HSH2D: variants seen among roughly 807,000 people sequenced by gnomAD.
HSH2D encodes hematopoietic SH2 domain containing.
HSH2D carries 16 observed loss-of-function variants against 21.5 expected under a neutral mutation model. The observed-to-expected ratio is 0.74, with a 90% CI of 0.50 to 1.13. HSH2D has a LOEUF of 1.13. Among genes scored for constraint, HSH2D ranks in the 50% most tolerant of loss-of-function variants. The pLI is 0.00. For missense variants in HSH2D, 418 were observed against 441.4 expected, an observed-to-expected ratio of 0.95 and a Z score of 0.47; for synonymous variants, 172 against 184.7, an observed-to-expected ratio of 0.93 and a Z score of 0.56.
intron 1 of HSH2D, among the ~76,000 whole-genome samples, chr19:16,147,057 C>T (rs1307088480): frequency 2.0e-5 from 3 of 152,032 alleles, no homozygotes; most frequent in African/African-American, 7.2e-5. Context: ...AACTCCTGAC[C>T]TCAGGTGATC....
chr19:16,143,474 T>A (rs1442914819), upstream of HSH2D, among the ~76,000 whole-genome samples: 2 of 152,318 alleles, frequency 1.3e-5, no homozygotes, highest in African/African-American at 4.8e-5. Flanking sequence ...CCTGTCTCCG[T>A]GTCACCCCTG....
At chr19:16,149,655 C>T (rs1599419238) in intron 2 of HSH2D, among the ~76,000 whole-genome samples, 1 of 150,158 alleles carries the variant, frequency 6.7e-6, no homozygotes, top group East Asian at 2.0e-4. Context: ...GGCGCGATCT[C>T]GGCTCACTGC....
At chr19:16,149,850 G>A (rs113674649) in intron 2 of HSH2D, among the ~76,000 whole-genome samples, 2,940 of 151,778 alleles carry the variant, frequency 0.019, 94 homozygotes, top group African/African-American at 0.067. Context: ...CAAAGTGCTG[G>A]GATTACAGGC....
intron 2 of HSH2D, among the ~76,000 whole-genome samples, chr19:16,149,451 C>T (rs560090867): frequency 2.6e-5 from 4 of 152,252 alleles, no homozygotes; most frequent in African/African-American, 9.6e-5. Flanking sequence ...GATTCACCCG[C>T]CTCGGCCTCC....
intron 5 of HSH2D, 28 bp downstream of exon 5, chr19:16,154,519 T>A: frequency 6.9e-7 from 1 of 1,456,746 alleles, no homozygotes; most frequent in Non-Finnish European, 9.4e-7. Flanking sequence ...GGCTGGCACC[T>A]CCCACCTGGC....
rs1453170240 is a variant in HSH2D, at chr19:16,153,191, A to T, written c.364A>T (p.Thr122Ser). ...KPIEPRRELLTQPCRQKDPAN... is the reference protein window; with the variant it reads ...KPIEPRRELLSQPCRQKDPAN... ...AATTGAGCCGCGCAGGGAGCTGCTGACACAGCCCTGCAGGCAGGTGAGGGC... is the reference window on the plus strand; with the variant it reads ...AATTGAGCCGCGCAGGGAGCTGCTGTCACAGCCCTGCAGGCAGGTGAGGGC... Residue 122 changes from threonine (T) to serine (S), a missense_variant, in exon 4 of 6, where the codon ACA (threonine) becomes TCA (serine). Physicochemically the swap from Thr to Ser is moderately conservative, Grantham distance 58. Transcript: ENST00000613986. 2.6e-6 allele frequency: 4 copies of T among 1,551,694 alleles called. No individual in the cohort carries two copies. Among genetic ancestry groups the T allele is most frequent in the Non-Finnish European group, 3.5e-6 (4 of 1,149,898 alleles).
chr19:16,157,186 G>A lies in HSH2D; in HGVS notation c.475-24G>A. The A allele has an allele frequency of 2.6e-6, 4 of 1,510,332 alleles. No individual in the cohort carries two copies. The highest frequency in any genetic ancestry group is 3.5e-6 in the Non-Finnish European group (4 of 1,128,150). The allele number at this position is 1,510,332 out of a possible 1,614,324, so 93.6% of individuals were successfully genotyped here. ...GTGCTCTGGTGGGCAAGCTGCCCCA[G>A]GCCTCCCCTACTCTCATTTTCAGGC... is the stretch of plus-strand genomic sequence containing the variant. On this transcript the variant is annotated intron_variant, in intron 5 of 5. Transcript: ENST00000613986. The surrounding 1 kb of genome is among the most constrained non-coding windows in gnomAD (Gnocchi z 4.4).
At position 16,137,355 on chromosome 19, in the gene HSH2D, C is replaced by T. The variant is rs1365993711; in HGVS notation, c.-324+3120C>T. Among the ~76,000 whole-genome samples, 4 of 152,022 alleles carry T rather than the reference C, an allele frequency of 2.6e-5. No homozygotes were observed. The South Asian group carries it at 8.3e-4, about 32-fold the overall frequency. Reference sequence around the variant, plus strand: ...TAAAGCAGGGTCATCCGGCCGGGCGCGGTAGCTCACACCTATAATCCCAGC... The same window carrying T: ...TAAAGCAGGGTCATCCGGCCGGGCGTGGTAGCTCACACCTATAATCCCAGC... On this transcript the variant is annotated intron_variant, in intron 1 of 7. Coordinates refer to the HSH2D transcript ENST00000616645.
At chr19:16,148,918 G>A (rs184801050) in intron 2 of HSH2D, 43 bp downstream of exon 2, 6 of 1,557,170 alleles carry the variant, frequency 3.9e-6, no homozygotes, top group Admixed American at 3.7e-5. Context: ...TCCCCACCCT[G>A]TCCTTGTCTG....
intron 5 of HSH2D, among the ~76,000 whole-genome samples, chr19:16,156,949 G>A (rs2091244690): frequency 6.6e-6 from 1 of 151,622 alleles, no homozygotes. Flanking sequence ...TTGTGCCACT[G>A]CACTCCAGAC....
chr19:16,148,371 A>G (rs1254149831), intron 1 of HSH2D, among the ~76,000 whole-genome samples: 1 of 151,744 alleles, frequency 6.6e-6, no homozygotes, highest in Non-Finnish European at 1.5e-5. Flanking sequence ...CTGGTCTCAA[A>G]CTCCTGACCT....
chr19:16,154,491 G>A lies in HSH2D; in HGVS notation c.474G>A (p.Glu158=), dbSNP rs773692980. 5 of 1,548,652 alleles carry A rather than the reference G, an allele frequency of 3.2e-6. No homozygotes were observed. Among genetic ancestry groups the A allele is most frequent in the East Asian group, 2.4e-5 (1 of 40,962 alleles). ...CCTGCCCGGTGTCTGCCCCTGAGGA[G>A]GTATGTATATGACAGGAGGCTGGCA... ...EAACPVSAPE[E]ASPKPVLCHQ... The change falls in exon 5 of 6, where the codon GAG becomes GAA. Residue 158 remains glutamate (E), a splice_region_variant and synonymous_variant. Coordinates refer to ENST00000613986, the MANE Select transcript of HSH2D (RefSeq NM_001382417.1).
At chr19:16,145,748 G>A (rs2091059519) in intron 1 of HSH2D, among the ~76,000 whole-genome samples, 1 of 152,108 alleles carries the variant, frequency 6.6e-6, no homozygotes, top group Non-Finnish European at 1.5e-5. Flanking sequence ...GGGGCCAATG[G>A]GTGGAGGGAG....
At chr19:16,139,091 C>T (rs898347302), upstream of HSH2D, among the ~76,000 whole-genome samples, 1 of 152,212 alleles carries the variant, frequency 6.6e-6, no homozygotes, top group Non-Finnish European at 1.5e-5. Flanking sequence ...CTCCTGACCT[C>T]AGGTGATCTG....
upstream of HSH2D, among the ~76,000 whole-genome samples, chr19:16,143,147 C>T (rs141500847): frequency 6.5e-3 from 989 of 151,146 alleles, 16 homozygotes; most frequent in Middle Eastern, 0.027. Context: ...TGCAATGGTG[C>T]GATCTCTGCT....
chr19:16,157,628 G>A lies in HSH2D; in HGVS notation c.893G>A (p.Ser298Asn). The A allele has an allele frequency of 6.2e-7, 1 of 1,613,838 alleles. No individual in the cohort carries two copies. ...VPTRKAERSVSCIEVTPGDRS... is the reference protein window; with the variant it reads ...VPTRKAERSVNCIEVTPGDRS... The stretch of plus-strand genomic sequence containing the variant: ...ACCAGGAAGGCCGAGAGGTCGGTCA[G>A]CTGCATTGAGGTGACCCCAGGGGAC... The change falls in exon 6 of 6, where the codon AGC becomes AAC. Residue 298 changes from serine (S) to asparagine (N), a missense_variant. By Grantham distance (46) the Ser-to-Asn change is conservative. Transcript: ENST00000613986. This position sits in a 1 kb window ranked among gnomAD's most constrained non-coding sequence, Gnocchi z 4.4.
intron 1 of HSH2D, among the ~76,000 whole-genome samples, chr19:16,145,179 C>T (rs1330217404): frequency 7.2e-5 from 11 of 151,822 alleles, no homozygotes; most frequent in Admixed American, 5.3e-4. Context: ...GCTGAGACTA[C>T]AGGCACATGC....
chr19:16,142,972 T>C (rs2091014985), upstream of HSH2D, among the ~76,000 whole-genome samples: 1 of 151,040 alleles, frequency 6.6e-6, no homozygotes, highest in Admixed American at 6.6e-5. Flanking sequence ...TTTTACCATG[T>C]TGGCCAGCCT....
chr19:16,137,784 C>T (rs2090974359), intron 1 of HSH2D, among the ~76,000 whole-genome samples: 1 of 152,040 alleles, frequency 6.6e-6, no homozygotes, highest in East Asian at 1.9e-4. Context: ...TGTCTCACTG[C>T]CCAGGCTGGT....
Sources: allele counts gnomAD v4.1 joint callset (sites outside exome capture counted in the v4.1 genomes callset), GRCh38; gene constraint gnomAD v4.1.1; non-coding constraint Gnocchi (gnomAD v3.1); transcripts MANE v1.5; gene names NCBI Gene and HGNC (gene_info 2026-07-23, HGNC 2026-07-21).